KLF13: variants seen among roughly 807,000 people sequenced by gnomAD.
KLF13 encodes the protein Krueppel-like factor 13.
KLF13 carries 8 observed loss-of-function variants against 16.7 expected under a neutral mutation model. The observed-to-expected ratio is 0.48, with a 90% CI of 0.28 to 0.87. The LOEUF (loss-of-function observed/expected upper bound fraction) is 0.87. KLF13 is among the 40% of genes least tolerant of loss of function. The pLI is 0.10. For missense variants in KLF13, 447 were observed against 452.2 expected (o/e 0.99, Z 0.10); for synonymous variants, 245 against 208.4 (o/e 1.18, Z -1.51).
intron 1 of KLF13, among the ~76,000 whole-genome samples, chr15:31,411,886 A>G (rs1362389200): frequency 6.6e-6 from 1 of 152,228 alleles, no homozygotes; most frequent in Admixed American, 6.5e-5. Context: ...CAAAGCTAGC[A>G]TCATATTTGG....
At chr15:31,328,632 G>C (rs1012763969) in intron 1 of KLF13, among the ~76,000 whole-genome samples, 1 of 151,872 alleles carries the variant, frequency 6.6e-6, no homozygotes, top group Non-Finnish European at 1.5e-5. Flanking sequence ...ACCAGGGCGG[G>C]CGCTGAGCCT....
upstream of KLF13, among the ~76,000 whole-genome samples, chr15:31,391,382 G>A (rs1321432624): frequency 7.2e-6 from 1 of 139,582 alleles, no homozygotes. Flanking sequence ...GGGTCTGTGG[G>A]GGCTGGGTTT....
chr15:31,370,140 G>A (rs1454517107), intron 1 of KLF13, among the ~76,000 whole-genome samples: 1 of 126,500 alleles, frequency 7.9e-6, no homozygotes, highest in African/African-American at 3.0e-5. Flanking sequence ...TCACTTGATT[G>A]TAATTGTCGT....
chr15:31,355,946 T>A (rs2039293320), intron 1 of KLF13, among the ~76,000 whole-genome samples: 1 of 152,092 alleles, frequency 6.6e-6, no homozygotes, highest in Admixed American at 6.5e-5. Context: ...AGGCCCCACT[T>A]CCTGGAGCCC....
intron 1 of KLF13, chr15:31,420,695 CTTTTTT>C: frequency 7.6e-6 from 2 of 264,690 alleles, no homozygotes; most frequent in East Asian, 1.1e-4. Context: ...TTTTTTCTTT[CTTTTTT>C]TTTTTTTTTG....
chr15:31,333,510 A>T (rs536045053), intron 1 of KLF13, among the ~76,000 whole-genome samples: 1 of 152,326 alleles, frequency 6.6e-6, no homozygotes, highest in East Asian at 1.9e-4. Flanking sequence ...TACTCTTCCC[A>T]TAGGGTCATT....
chr15:31,435,079 T>G (rs2141018645), intron 1 of KLF13, among the ~76,000 whole-genome samples: 1 of 152,348 alleles, frequency 6.6e-6, no homozygotes, highest in East Asian at 1.9e-4. Flanking sequence ...TGTGTATATC[T>G]TATGCACGCT....
Position 31,327,087 on chromosome 15 carries a change from C to G in KLF13, c.-126C>G. 2 of 856,428 alleles carry G rather than the reference C, an allele frequency of 2.3e-6. No homozygotes were observed. The highest frequency in any genetic ancestry group is 2.9e-6 in the Non-Finnish European group (2 of 679,258). 53.1% of individuals were successfully genotyped at this position (856,428 alleles called of 1,614,324 possible). ...ACAGGCGGCTGCGCGCCCAGCCCAGCCCAGCCCAGCCCGAGGAGAGGGCGC... is the reference window on the plus strand; with the variant it reads ...ACAGGCGGCTGCGCGCCCAGCCCAGGCCAGCCCAGCCCGAGGAGAGGGCGC... On this transcript the variant is annotated 5_prime_UTR_variant, in exon 1 of 2. Transcript: ENST00000307145.
At chr15:31,345,000 G>C (rs998642156) in intron 1 of KLF13, among the ~76,000 whole-genome samples, 7 of 152,218 alleles carry the variant, frequency 4.6e-5, no homozygotes, top group Non-Finnish European at 8.8e-5. Context: ...AGCTGTTGCA[G>C]TTTGGGGCAG....
chr15:31,352,450 G>A (rs1225267321), intron 1 of KLF13, among the ~76,000 whole-genome samples: 1 of 152,248 alleles, frequency 6.6e-6, no homozygotes, highest in Non-Finnish European at 1.5e-5. Flanking sequence ...CCAGGTGTGG[G>A]CTGGCCACGG....
In KLF13 at chr15:31,376,250, G is replaced by A. The variant is rs2039643368; in HGVS notation, c.*3951G>A. The A allele has an allele frequency of 6.5e-6, 1 of 152,710 alleles. No individual in the cohort carries two copies. Among genetic ancestry groups the A allele is most frequent in the South Asian group, 2.1e-4 (1 of 4,838 alleles). The allele number at this position is 152,710 out of a possible 1,614,324, so 9.5% of individuals were successfully genotyped here. The stretch of plus-strand genomic sequence containing the variant: ...CACCCAACAGGAAGATGTGATCTGA[G>A]CAATAGTGTGGCCTTGTTTCTCCGC... On this transcript the variant is annotated 3_prime_UTR_variant, in exon 2 of 2. Transcript: ENST00000307145.
chr15:31,398,452 T>C (rs568136171), intron 2 of KLF13, among the ~76,000 whole-genome samples: 14 of 152,282 alleles, frequency 9.2e-5, no homozygotes, highest in Non-Finnish European at 1.6e-4. Context: ...GGGAGCCAAC[T>C]TGGCCCTGGG....
At chr15:31,423,785 T>C (rs896174265) in intron 1 of KLF13, among the ~76,000 whole-genome samples, 1 of 152,126 alleles carries the variant, frequency 6.6e-6, no homozygotes, top group Admixed American at 6.5e-5. Context: ...AATCTTAAAT[T>C]TAAGAAAATT....
At chr15:31,354,738 CTTCAGGACACCCACATT>C (rs2039273230) in intron 1 of KLF13, among the ~76,000 whole-genome samples, 1 of 152,150 alleles carries the variant, frequency 6.6e-6, no homozygotes, top group South Asian at 2.1e-4. Flanking sequence ...ATGCCCACAT[CTTCAGGACACCCACATT>C]TTCAGCACCT....
At chr15:31,426,118 A>G (rs1469250580) in intron 1 of KLF13, among the ~76,000 whole-genome samples, 2 of 152,138 alleles carry the variant, frequency 1.3e-5, no homozygotes, top group Non-Finnish European at 2.9e-5. Context: ...CCTGGACTTT[A>G]TTGTGCATAT....
chr15:31,372,257 C>G lies in KLF13; in HGVS notation c.825C>G (p.Ser275=), dbSNP rs765324385. ...GCTCCCTCAGCGACTACAGCCGCTCCGACGCCAGCAGCCCCACCATCAGCC... is the reference window on the plus strand; with the variant it reads ...GCTCCCTCAGCGACTACAGCCGCTCGGACGCCAGCAGCCCCACCATCAGCC... ...RTGSLSDYSR[S]DASSPTISPA... Residue 275 remains serine (S), a synonymous_variant, in exon 2 of 2, where the codon TCC becomes TCG. Transcript: ENST00000307145. The G allele has an allele frequency of 6.5e-7, 1 of 1,542,706 alleles. No homozygotes were observed. Among genetic ancestry groups the G allele is most frequent in the Non-Finnish European group, 8.7e-7 (1 of 1,149,174 alleles).
At chr15:31,335,364 GC>G (rs1164099435) in intron 1 of KLF13, among the ~76,000 whole-genome samples, 2 of 151,486 alleles carry the variant, frequency 1.3e-5, no homozygotes, top group Admixed American at 1.3e-4. Context: ...CCTCCACACT[GC>G]TTCAGTTCCC....
chr15:31,387,241 G>A (rs1246509812), intron 1 of KLF13, among the ~76,000 whole-genome samples: 1 of 152,148 alleles, frequency 6.6e-6, no homozygotes. Flanking sequence ...AGTCAATTGG[G>A]TGTGGCAAAC....
At chr15:31,408,785 A>G (rs2040158235), downstream of KLF13, among the ~76,000 whole-genome samples, 1 of 152,202 alleles carries the variant, frequency 6.6e-6, no homozygotes, top group Non-Finnish European at 1.5e-5. Flanking sequence ...AAAAGCCGGT[A>G]ACATACAAGA....
Sources: allele counts gnomAD v4.1 joint callset (sites outside exome capture counted in the v4.1 genomes callset), GRCh38; gene constraint gnomAD v4.1.1; transcripts MANE v1.5; gene names NCBI Gene and HGNC (gene_info 2026-07-23, HGNC 2026-07-21).